MACROD1: variants seen among roughly 807,000 people sequenced by gnomAD.
The protein encoded by MACROD1 is mono-ADP ribosylhydrolase 1, also known as ADP-ribose glycohydrolase MACROD1.
A neutral mutation model predicts 41.4 loss-of-function variants in MACROD1; 31 were observed. The ratio of observed to expected loss-of-function variants is 0.75; its 90% CI spans 0.56 to 1.01. The LOEUF (loss-of-function observed/expected upper bound fraction) is 1.01, where lower values mean the gene tolerates loss of function less well. Ranked by LOEUF, MACROD1 falls within the 50% of genes least tolerant of loss-of-function variation. The pLI is 0.00. For synonymous variants in MACROD1, 252 were observed against 203.4 expected, an observed-to-expected ratio of 1.24 and a Z score of -2.03; for missense variants, 473 against 460.0, an observed-to-expected ratio of 1.03 and a Z score of -0.26.
chr11:64,163,858 C>T (rs1945794554), intron 1 of MACROD1, among the ~76,000 whole-genome samples: 1 of 152,210 alleles, frequency 6.6e-6, no homozygotes, highest in Non-Finnish European at 1.5e-5. Flanking sequence ...CCCCCGAAAG[C>T]GTCCCTCTAA....
At chr11:64,101,019 G>A (rs1757637720) in intron 3 of MACROD1, among the ~76,000 whole-genome samples, 1 of 152,184 alleles carries the variant, frequency 6.6e-6, no homozygotes, top group Admixed American at 6.5e-5. Flanking sequence ...CACTGAGCCA[G>A]GTGCTGGGGG....
rs1022710740 is a variant in MACROD1, at chr11:64,133,602, A to G, written c.517+17637T>C. On this transcript the variant is annotated intron_variant, in intron 3 of 10. Coordinates refer to ENST00000255681, the MANE Select transcript of MACROD1 (RefSeq NM_014067.4). ...AGAAAGACATCTGGACCCAGACCCC[A>G]TGGGCATGGCCCTGCCACCCGCCCC... Among the ~76,000 whole-genome samples the G allele has an allele frequency of 4.6e-5, 7 of 152,182 alleles. No homozygotes were observed. The East Asian group carries it at 7.7e-4, about 17-fold the overall frequency.
intron 1 of MACROD1, among the ~76,000 whole-genome samples, chr11:64,165,191 G>A (rs1945819085): frequency 1.3e-5 from 2 of 152,312 alleles, no homozygotes; most frequent in East Asian, 1.9e-4. Context: ...GTGAGGTTAC[G>A]TGCCCCACCA....
At chr11:64,102,879 C>A (rs1262757448) in intron 3 of MACROD1, among the ~76,000 whole-genome samples, 1 of 151,840 alleles carries the variant, frequency 6.6e-6, no homozygotes. Context: ...ACCATCTGGC[C>A]AATATGGTGA....
chr11:64,020,817 C>T (rs1168350078), intron 3 of MACROD1, among the ~76,000 whole-genome samples: 1 of 152,110 alleles, frequency 6.6e-6, no homozygotes, highest in Non-Finnish European at 1.5e-5. Flanking sequence ...CTCCAGGGTT[C>T]AAGTGATTCT....
intron 3 of MACROD1, among the ~76,000 whole-genome samples, chr11:64,109,999 C>T (rs150330418): frequency 1.8e-4 from 27 of 152,128 alleles, no homozygotes; most frequent in Non-Finnish European, 2.9e-4. Context: ...AAACTGGATG[C>T]GTCGGGGGCA....
chr11:64,012,862 G>T (rs558362032), intron 4 of MACROD1, among the ~76,000 whole-genome samples: 1 of 151,936 alleles, frequency 6.6e-6, no homozygotes, highest in Admixed American at 6.6e-5. Context: ...TTGAGACAGG[G>T]TCTAACTCTG....
intron 3 of MACROD1, among the ~76,000 whole-genome samples, chr11:64,073,963 G>C (rs1320277899): frequency 6.6e-6 from 1 of 152,120 alleles, no homozygotes; most frequent in Non-Finnish European, 1.5e-5. Flanking sequence ...TGAGCCCCCA[G>C]GGTGCTTTGG....
At chr11:64,060,199 G>C (rs1053329843) in intron 3 of MACROD1, among the ~76,000 whole-genome samples, 1 of 152,252 alleles carries the variant, frequency 6.6e-6, no homozygotes, top group Admixed American at 6.5e-5. Context: ...CCAGCGGGCA[G>C]AGAGGCCAGG....
chr11:64,038,638 G>A (rs1277512347), intron 3 of MACROD1, among the ~76,000 whole-genome samples: 1 of 152,202 alleles, frequency 6.6e-6, no homozygotes, highest in African/African-American at 2.4e-5. Flanking sequence ...TCCCCAGCCA[G>A]CCAGACATCC....
At chr11:64,093,974 G>A (rs895147765) in intron 3 of MACROD1, among the ~76,000 whole-genome samples, 12 of 152,222 alleles carry the variant, frequency 7.9e-5, no homozygotes, top group Non-Finnish European at 1.2e-4. Context: ...TAGAAAGCAC[G>A]GTGCCAGGGG....
chr11:63,998,948 C>A lies in MACROD1; in HGVS notation c.973+7G>T. 1 of 1,585,594 alleles carries A rather than the reference C, an allele frequency of 6.3e-7. No individual in the cohort carries two copies. Among genetic ancestry groups the A allele is most frequent in the Non-Finnish European group, 8.6e-7 (1 of 1,168,740 alleles). ...GGGCGGGCCGTGGGGCGGCGCGGGG[C>A]ACGTACCCACGGGGAAGTAGTGGGG... is the stretch of plus-strand genomic sequence containing the variant. On this transcript the variant is annotated splice_region_variant and intron_variant, in intron 9 of 10. Coordinates refer to ENST00000255681, the MANE Select transcript of MACROD1 (RefSeq NM_014067.4).
chr11:64,158,078 A>G (rs1300878745), intron 1 of MACROD1, among the ~76,000 whole-genome samples: 1 of 152,196 alleles, frequency 6.6e-6, no homozygotes, highest in East Asian at 1.9e-4. Flanking sequence ...GGTACCTGGA[A>G]AATTTGCCAG....
chr11:64,021,965 C>G (rs1358624760), intron 3 of MACROD1, among the ~76,000 whole-genome samples: 70 of 1,680 alleles, frequency 0.042, no homozygotes, highest in Admixed American at 0.062. Flanking sequence ...GAGGTGGCGG[C>G]GGGCAGTGGA....
At chr11:64,038,432 G>A (rs921998804) in intron 3 of MACROD1, among the ~76,000 whole-genome samples, 24 of 152,228 alleles carry the variant, frequency 1.6e-4, no homozygotes, top group Admixed American at 3.3e-4. Context: ...TGCTTGCTTC[G>A]AAGTTAGCTG....
intron 3 of MACROD1, among the ~76,000 whole-genome samples, chr11:64,073,439 C>T (rs1944144397): frequency 1.3e-5 from 2 of 152,244 alleles, no homozygotes; most frequent in Non-Finnish European, 2.9e-5. Context: ...CTCTTAACTC[C>T]CTTGAGCCTT....
chr11:64,161,468 T>C (rs1565266644), intron 1 of MACROD1, among the ~76,000 whole-genome samples: 1 of 152,194 alleles, frequency 6.6e-6, no homozygotes, highest in Non-Finnish European at 1.5e-5. Flanking sequence ...CACTGTGCAC[T>C]GAAGATCTCT....
intron 4 of MACROD1, among the ~76,000 whole-genome samples, chr11:64,010,170 T>C (rs528739641): frequency 6.7e-6 from 1 of 149,056 alleles, no homozygotes; most frequent in East Asian, 2.0e-4. Flanking sequence ...GCCTGGGGTG[T>C]TGGTTGGTGT....
chr11:64,031,167 C>T (rs1317257528), intron 3 of MACROD1, among the ~76,000 whole-genome samples: 2 of 152,254 alleles, frequency 1.3e-5, no homozygotes, highest in Middle Eastern at 3.4e-3. Flanking sequence ...GTCTGACCTG[C>T]CTTGGGCCCC....
Sources: gnomAD v4.1 joint callset for allele counts (sites outside exome capture counted in the v4.1 genomes callset) on GRCh38, gnomAD v4.1.1 for gene constraint, MANE v1.5 for transcripts, NCBI Gene and HGNC (gene_info 2026-07-23, HGNC 2026-07-21) for gene names.